The following GRIP1 variants were observed in gnomAD, a reference collection of about 807,000 sequenced individuals.
The protein encoded by GRIP1 is glutamate receptor interacting protein 1.
In GRIP1, 45 loss-of-function variants were observed where a neutral mutation model predicts 129.9. The ratio of observed to expected loss-of-function variants is 0.35; its 90% confidence interval spans 0.27 to 0.44. The LOEUF is 0.44. Ranked by LOEUF, GRIP1 falls within the 20% of genes least tolerant of loss-of-function variation. The pLI, the probability that GRIP1 is intolerant of heterozygous loss-of-function variation, is 1.00. For synonymous variants in GRIP1, 530 were observed against 520.8 expected, an observed-to-expected ratio of 1.02 and a Z score of -0.24; for missense variants, 1,196 against 1,396.8, an observed-to-expected ratio of 0.86 and a Z score of 2.29.
Position 66,910,834 on chromosome 12 carries a change from G to C in GRIP1, c.58+158216C>G, listed in dbSNP as rs1184308489. On this transcript the variant is annotated intron_variant, in intron 1 of 1. Coordinates refer to the GRIP1 transcript ENST00000643019. Reference sequence around the variant, plus strand: ...CAAGGACTCAGAGGGTACGTCCCTAGGCCATAGAATTCCACTTAACCAGAA... The same window carrying C: ...CAAGGACTCAGAGGGTACGTCCCTACGCCATAGAATTCCACTTAACCAGAA... Among the ~76,000 whole-genome samples, 3 of 152,138 alleles carry C rather than the reference G, an allele frequency of 2.0e-5. No individual in the cohort carries two copies. In the East Asian group the frequency reaches 5.8e-4, roughly 29 times the overall value.
At chr12:66,768,484 A>C (rs1375146416) in intron 1 of GRIP1, among the ~76,000 whole-genome samples, 1 of 152,192 alleles carries the variant, frequency 6.6e-6, no homozygotes, top group Non-Finnish European at 1.5e-5. Flanking sequence ...GACGCACCTC[A>C]GTGAATTGAG....
At chr12:66,415,967 A>T (rs1215830950) in intron 15 of GRIP1, among the ~76,000 whole-genome samples, 1 of 152,142 alleles carries the variant, frequency 6.6e-6, no homozygotes, top group Non-Finnish European at 1.5e-5. Context: ...GCTAATGGAG[A>T]CTGGGCTTAA....
chr12:66,691,367 C>T (rs952626428), intron 1 of GRIP1, among the ~76,000 whole-genome samples: 1 of 152,156 alleles, frequency 6.6e-6, no homozygotes, highest in African/African-American at 2.4e-5. Context: ...CAAATGAATA[C>T]ACTAGAGGTT....
chr12:66,905,417 C>A (rs1193767639), intron 1 of GRIP1, among the ~76,000 whole-genome samples: 1 of 152,166 alleles, frequency 6.6e-6, no homozygotes, highest in African/African-American at 2.4e-5. Context: ...TTGGGCAGGG[C>A]AGAAAGCCCC....
intron 1 of GRIP1, among the ~76,000 whole-genome samples, chr12:66,716,232 C>T (rs1484320725): frequency 6.6e-6 from 1 of 151,916 alleles, no homozygotes; most frequent in African/African-American, 2.4e-5. Flanking sequence ...ATTTAATTTG[C>T]ATTTTTTCCT....
At chr12:66,533,880 TACACA>T (rs1565836294) in intron 4 of GRIP1, among the ~76,000 whole-genome samples, 118 of 128,772 alleles carry the variant, frequency 9.2e-4, no homozygotes, top group African/African-American at 3.2e-3. Context: ...CACACACACA[TACACA>T]CACTCTCTCT....
At chr12:66,432,111 CTAA>C (rs969234492) in intron 14 of GRIP1, among the ~76,000 whole-genome samples, 10 of 151,726 alleles carry the variant, frequency 6.6e-5, no homozygotes, top group African/African-American at 1.9e-4. Context: ...ATACAATATG[CTAA>C]TAATATATAT....
At chr12:66,374,291 G>A (rs1435448156) in intron 22 of GRIP1, among the ~76,000 whole-genome samples, 1 of 152,046 alleles carries the variant, frequency 6.6e-6, no homozygotes, top group African/African-American at 2.4e-5. Flanking sequence ...GGGTTCAAGC[G>A]ATTCTCTTGC....
At chr12:66,846,425 T>C (rs938775023) in intron 1 of GRIP1, among the ~76,000 whole-genome samples, 3 of 152,222 alleles carry the variant, frequency 2.0e-5, no homozygotes, top group Non-Finnish European at 2.9e-5. Context: ...GTATCTGTCA[T>C]GGAATTCTGT....
chr12:66,695,341 G>C (rs2035120174), intron 1 of GRIP1, among the ~76,000 whole-genome samples: 1 of 151,304 alleles, frequency 6.6e-6, no homozygotes, highest in Non-Finnish European at 1.5e-5. Context: ...CCCCTCTCCT[G>C]TCAGCCACAG....
At chr12:66,376,298 C>T (rs2055781585) in intron 22 of GRIP1, among the ~76,000 whole-genome samples, 6 of 152,164 alleles carry the variant, frequency 3.9e-5, no homozygotes, top group Admixed American at 3.9e-4. Flanking sequence ...TTTAGAATTG[C>T]AAGAGTTTCA....
At chr12:66,834,875 A>ACATAGCTATGCT (rs1320072784) in intron 1 of GRIP1, among the ~76,000 whole-genome samples, 8 of 144,152 alleles carry the variant, frequency 5.5e-5, no homozygotes, top group African/African-American at 2.0e-4. Context: ...AGCTATGCTC[A>ACATAGCTATGCT]CACAACTACA....
intron 1 of GRIP1, among the ~76,000 whole-genome samples, chr12:66,991,045 A>G (rs2042387254): frequency 6.6e-6 from 1 of 152,040 alleles, no homozygotes; most frequent in Non-Finnish European, 1.5e-5. Flanking sequence ...AGACCGAGGC[A>G]GGCGGATCAC....
rs2063606941 is a variant in GRIP1 at position 66,585,772 on chromosome 12, CT to C, written c.136+11074del. Among the ~76,000 whole-genome samples, 3 of 150,678 alleles carry C rather than the reference CT, an allele frequency of 2.0e-5. No individual in the cohort carries two copies. In the South Asian group the frequency reaches 6.5e-4, roughly 33 times the overall value. The stretch of plus-strand genomic sequence containing the variant: ...CATCCTCTCCAGCACCTGTTGTTTC[CT>C]GACTTTTTAATGATCGCCATTCTAA... On this transcript the variant is annotated intron_variant, in intron 2 of 24. Coordinates refer to ENST00000359742, the MANE Select transcript of GRIP1 (RefSeq NM_001366722.1).
intron 1 of GRIP1, among the ~76,000 whole-genome samples, chr12:67,036,089 A>C (rs897845229): frequency 3.3e-5 from 5 of 152,210 alleles, no homozygotes; most frequent in Non-Finnish European, 7.3e-5. Flanking sequence ...CAGTGGGATG[A>C]CATCAGGTTC....
intron 1 of GRIP1, among the ~76,000 whole-genome samples, chr12:66,849,403 C>G (rs1455996196): frequency 6.6e-6 from 1 of 152,144 alleles, no homozygotes; most frequent in East Asian, 1.9e-4. Context: ...TCTAACACTG[C>G]AATCCATGTT....
In GRIP1 at chr12:66,561,019, T is replaced by A. The variant is rs147560171; in HGVS notation, c.137-19069A>T. ...TATTCAGCCCTAAAAAAGAATGAGA[T>A]CCTGTCATTTGCAACAATATGAATG... On this transcript the variant is annotated intron_variant, in intron 2 of 24. Coordinates refer to ENST00000359742, the MANE Select transcript of GRIP1 (RefSeq NM_001366722.1). Among the ~76,000 whole-genome samples, 190 of 152,200 alleles carry A rather than the reference T, an allele frequency of 1.2e-3. 2 individuals are homozygous for A. In the East Asian group the frequency reaches 0.029, roughly 23 times the overall value.
At chr12:66,582,009 A>G (rs1435444892) in intron 2 of GRIP1, among the ~76,000 whole-genome samples, 2 of 152,228 alleles carry the variant, frequency 1.3e-5, no homozygotes, top group Non-Finnish European at 2.9e-5. Flanking sequence ...ATCCTCAATA[A>G]AATACTGGCA....
At chr12:66,927,403 A>AT (rs1431657614) in intron 1 of GRIP1, among the ~76,000 whole-genome samples, 1 of 152,208 alleles carries the variant, frequency 6.6e-6, no homozygotes, top group Non-Finnish European at 1.5e-5. Context: ...TAGAACACAT[A>AT]TTGATTGAAG....
Sources: gnomAD v4.1 joint callset for allele counts (sites outside exome capture counted in the v4.1 genomes callset) on GRCh38, gnomAD v4.1.1 for gene constraint, MANE v1.5 for transcripts, NCBI Gene and HGNC (gene_info 2026-07-23, HGNC 2026-07-21) for gene names.